ATAD3B: variants seen among roughly 807,000 people sequenced by gnomAD.
The protein encoded by ATAD3B is ATPase family AAA domain-containing protein 3B.
A neutral mutation model predicts 70.2 loss-of-function variants in ATAD3B; 59 were observed. The observed-to-expected ratio is 0.84, with a 90% CI of 0.68 to 1.04. The LOEUF is 1.04. Among genes scored for constraint, ATAD3B ranks in the 50% least tolerant of loss-of-function variants. The pLI is 0.00. For synonymous variants in ATAD3B, 423 were observed against 388.6 expected, an observed-to-expected ratio of 1.09 and a Z score of -1.04; for missense variants, 961 against 913.4, an observed-to-expected ratio of 1.05 and a Z score of -0.67.
At chr1:1,487,532 A>C (rs534253387) in intron 11 of ATAD3B, among the ~76,000 whole-genome samples, 37 of 150,896 alleles carry the variant, frequency 2.5e-4, no homozygotes, top group Admixed American at 8.6e-4. Context: ...ACTCTTGAGC[A>C]CTGCACTGGG....
chr1:1,489,708 C>T (rs1640426502), intron 13 of ATAD3B: 2 of 1,312,702 alleles, frequency 1.5e-6, no homozygotes, highest in Non-Finnish European at 2.0e-6. Context: ...TCACGTGTCA[C>T]ACGGAGGATC....
rs1165254422 is a variant in ATAD3B, at chr1:1,496,091, A to T, written c.*274A>T. The T allele has an allele frequency of 8.3e-7, 1 of 1,205,266 alleles. No individual in the cohort carries two copies. The highest frequency in any genetic ancestry group is 1.5e-5 in the African/African-American group (1 of 65,058). 74.7% of individuals were successfully genotyped at this position (1,205,266 alleles called of 1,614,324 possible). A position where few individuals can be genotyped will look rare whatever the true frequency, so the allele number is the denominator to read the frequency against. On this transcript the variant is annotated 3_prime_UTR_variant, in exon 16 of 16. Transcript: ENST00000673477. ...CTGAACCCTGCTTCCAGCCATGGCC[A>T]GGGGCCACGGAACCCGGCAGGGGTG...
chr1:1,505,406 C>T, the ATAD3B span, among the ~76,000 whole-genome samples: 5 of 152,294 alleles, frequency 3.3e-5, no homozygotes, highest in South Asian at 4.1e-4. Context: ...GGAGTGTGAC[C>T]GCTGAAGCAC....
intron 7 of ATAD3B, chr1:1,483,131 A>G (rs1305777314): frequency 2.5e-6 from 1 of 407,458 alleles, no homozygotes; most frequent in Admixed American, 3.0e-5. Context: ...CTCTACTAAA[A>G]AAAAGAAAAA....
At chr1:1,504,377 C>T in the ATAD3B span, among the ~76,000 whole-genome samples, 92 of 151,930 alleles carry the variant, frequency 6.1e-4, no homozygotes, top group African/African-American at 2.1e-3. Flanking sequence ...AGGCCAGGTG[C>T]GGTGGCTCAC....
At chr1:1,490,047 A>G (rs543476495) in intron 13 of ATAD3B, 129,493 of 1,402,974 alleles carry the variant, frequency 0.092, 8,895 homozygotes, top group African/African-American at 0.25. Flanking sequence ...CAGAGGCCCG[A>G]GAAGCCGGGC....
At chr1:1,473,697 C>T (rs1639448024) in intron 1 of ATAD3B, among the ~76,000 whole-genome samples, 2 of 143,918 alleles carry the variant, frequency 1.4e-5, no homozygotes, top group African/African-American at 5.2e-5. Context: ...GGTTTCACCA[C>T]CTTGGCCAGG....
chr1:1,474,743 C>T (rs1465548864), intron 1 of ATAD3B, among the ~76,000 whole-genome samples: 2 of 151,988 alleles, frequency 1.3e-5, no homozygotes, highest in African/African-American at 4.8e-5. Context: ...TCAGGTGATT[C>T]GCCCACCTCG....
Position 1,489,248 on chromosome 1 carries a change from G to A in ATAD3B, c.1311G>A (p.Leu437=), listed in dbSNP as rs1432164228. The part of the protein sequence containing the change: ...KDLRATLNAF[L]YHMGQHSNKF... ...TCAGAGCCACACTGAACGCCTTCCTGTACCACATGGGCCAACACAGCAACA... is the reference window on the plus strand; with the variant it reads ...TCAGAGCCACACTGAACGCCTTCCTATACCACATGGGCCAACACAGCAACA... Residue 437 remains leucine, a synonymous_variant, in exon 13 of 16, where the codon CTG becomes CTA. Coordinates refer to ENST00000673477, the MANE Select transcript of ATAD3B (RefSeq NM_031921.6). 6.2e-7 allele frequency: 1 copy of A among 1,613,560 alleles called. No homozygotes were observed. The highest frequency in any genetic ancestry group is 2.2e-5 in the East Asian group (1 of 44,880).
chr1:1,509,229 G>C, the ATAD3B span: 12 of 1,612,824 alleles, frequency 7.4e-6, no homozygotes, highest in Non-Finnish European at 1.0e-5. Flanking sequence ...CTCCGAGGAC[G>C]GGGTCCTGAC....
At chr1:1,494,214 T>C (rs559695497) in intron 15 of ATAD3B, among the ~76,000 whole-genome samples, 1 of 151,926 alleles carries the variant, frequency 6.6e-6, no homozygotes, top group African/African-American at 2.4e-5. Flanking sequence ...CACGTGACAT[T>C]TAGCTGTCAC....
At chr1:1,489,128 G>C in intron 12 of ATAD3B, 76 bp from the exon 13 acceptor site, 1 of 1,606,014 alleles carries the variant, frequency 6.2e-7, no homozygotes, top group Non-Finnish European at 8.5e-7. Context: ...CAGGAGGGAG[G>C]CCTGTGGGAC....
Position 1,481,998 on chromosome 1 carries a change from C to T in ATAD3B, c.515-140C>T, listed in dbSNP as rs1639932155. ...GCCTTAGCCTGTTGGTGGCGTGGGC[C>T]GGTCCGTGGCATGGGCCTGTCTGTG... On this transcript the variant is annotated intron_variant, in intron 5 of 15. Transcript: ENST00000673477. The T allele has an allele frequency of 3.1e-5, 43 of 1,390,954 alleles. 1 individual carries two copies. Among genetic ancestry groups the T allele is most frequent in the Non-Finnish European group, 3.8e-5 (39 of 1,033,896 alleles). 86.2% of individuals were successfully genotyped at this position (1,390,954 alleles called of 1,614,324 possible).
the ATAD3B span, among the ~76,000 whole-genome samples, chr1:1,507,403 G>A: frequency 7.9e-5 from 12 of 152,276 alleles, no homozygotes; most frequent in Admixed American, 3.3e-4. Flanking sequence ...TTGGTCAAAT[G>A]CTTTTCCTGC....
chr1:1,485,798 T>C lies in ATAD3B; in HGVS notation c.923T>C (p.Leu308Pro), dbSNP rs1640178117. 2 of 1,613,040 alleles carry C rather than the reference T, an allele frequency of 1.2e-6. No homozygotes were observed. Among genetic ancestry groups the C allele is most frequent in the Non-Finnish European group, 1.7e-6 (2 of 1,179,416 alleles). ...RHPIQVSRRL[L>P]SRPQDVLEGV... The stretch of plus-strand genomic sequence containing the variant: ...CTCCGGCAGGTCAGCCGGCGGCTCC[T>C]CAGTCGACCCCAGGACGTGCTGGAG... Residue 308 changes from leucine (L) to proline (P), a missense_variant, in exon 9 of 16, where the codon CTC (leucine) becomes CCC (proline). By Grantham distance (98) the Leu-to-Pro change is moderately conservative. This residue lies in a region of ATAD3B where 349 missense variants were observed against 307.5 expected (regional missense o/e 1.14). Coordinates refer to ENST00000673477, the MANE Select transcript of ATAD3B (RefSeq NM_031921.6).
chr1:1,498,808 G>A (rs554548342), downstream of ATAD3B, among the ~76,000 whole-genome samples: 22 of 151,486 alleles, frequency 1.5e-4, no homozygotes, highest in African/African-American at 2.2e-4. Flanking sequence ...TTTCGGTGTC[G>A]CAAAAGAAGT....
intron 1 of ATAD3B, among the ~76,000 whole-genome samples, 191 bp downstream of exon 1, chr1:1,472,280 C>T (rs1336569831): frequency 7.2e-5 from 11 of 152,058 alleles, no homozygotes; most frequent in Non-Finnish European, 1.5e-5. Context: ...CCCGTTTGCA[C>T]CTCTGCAGCT....
chr1:1,500,494 G>C, downstream of ATAD3B, among the ~76,000 whole-genome samples: 1 of 144,266 alleles, frequency 6.9e-6, no homozygotes, highest in Non-Finnish European at 1.5e-5. Context: ...GGAGCTTGCA[G>C]TGAGTCGAGA....
At chr1:1,500,515 G>GGACGACT (rs765758041), downstream of ATAD3B, among the ~76,000 whole-genome samples, 3 of 147,782 alleles carry the variant, frequency 2.0e-5, no homozygotes, top group African/African-American at 5.0e-5. Context: ...TTGCGCCACT[G>GGACGACT]CCCTCCAGTC....
Sources: allele counts gnomAD v4.1 joint callset (sites outside exome capture counted in the v4.1 genomes callset), GRCh38; gene constraint gnomAD v4.1.1; regional missense constraint gnomAD v4.1.1; transcripts MANE v1.5; gene names NCBI Gene and HGNC (gene_info 2026-07-23, HGNC 2026-07-21).